The following TANC2 variants were observed in gnomAD, a reference collection of about 807,000 sequenced individuals.
TANC2 encodes the protein tetratricopeptide repeat, ankyrin repeat and coiled-coil containing 2.
TANC2 carries 26 observed loss-of-function variants against 210.5 expected under a neutral mutation model. The observed-to-expected ratio is 0.12, with a 90% CI of 0.09 to 0.17. TANC2 has a LOEUF of 0.17. TANC2 is among the 10% of genes least tolerant of loss of function. The pLI, the probability that TANC2 is intolerant of heterozygous loss-of-function variation, is 1.00. For missense variants in TANC2, 2,129 were observed against 2,608.9 expected, an observed-to-expected ratio of 0.82 and a Z score of 4.01; for synonymous variants, 931 against 967.1, an observed-to-expected ratio of 0.96 and a Z score of 0.69.
chr17:62,975,018 A>G (rs1351959878), intron 1 of TANC2, among the ~76,000 whole-genome samples: 2 of 152,216 alleles, frequency 1.3e-5, no homozygotes, highest in African/African-American at 2.4e-5. Flanking sequence ...AAGATTGACA[A>G]CATTAAGAAA....
At chr17:63,023,940 C>G (rs2034450102) in intron 2 of TANC2, among the ~76,000 whole-genome samples, 1 of 152,150 alleles carries the variant, frequency 6.6e-6, no homozygotes, top group African/African-American at 2.4e-5. Flanking sequence ...TGCTTCTCAT[C>G]AGATAGACAC....
At chr17:63,382,876 C>T (rs898319659) in intron 15 of TANC2, among the ~76,000 whole-genome samples, 1 of 152,118 alleles carries the variant, frequency 6.6e-6, no homozygotes, top group Non-Finnish European at 1.5e-5. Context: ...CTCTTTTTCA[C>T]TCAGCATTCT....
chr17:63,419,221 T>C (rs1383978891), intron 27 of TANC2, among the ~76,000 whole-genome samples: 1 of 152,166 alleles, frequency 6.6e-6, no homozygotes, highest in Non-Finnish European at 1.5e-5. Context: ...GTGGTGGCAG[T>C]GATCGCACTC....
intron 7 of TANC2, among the ~76,000 whole-genome samples, chr17:63,223,453 G>T (rs1352905605): frequency 2.0e-5 from 3 of 152,176 alleles, no homozygotes; most frequent in Non-Finnish European, 4.4e-5. Flanking sequence ...CACAGGCAGA[G>T]CAGCCCGGAG....
At chr17:63,117,870 G>C (rs1181783680) in intron 4 of TANC2, among the ~76,000 whole-genome samples, 2 of 152,120 alleles carry the variant, frequency 1.3e-5, no homozygotes, top group African/African-American at 4.8e-5. Flanking sequence ...TTGACATCTA[G>C]TTTTCAAGGA....
At chr17:63,328,591 A>G (rs911711424) in intron 11 of TANC2, among the ~76,000 whole-genome samples, 1 of 151,834 alleles carries the variant, frequency 6.6e-6, no homozygotes, top group East Asian at 1.9e-4. Context: ...AGTTAAACTC[A>G]TAGAAGTAAA....
intron 14 of TANC2, among the ~76,000 whole-genome samples, chr17:63,358,979 TG>T (rs1409675411): frequency 9.7e-6 from 1 of 103,180 alleles, no homozygotes; most frequent in Middle Eastern, 5.2e-3. Flanking sequence ...TTAATATTTG[TG>T]TGTGTGTGTG....
intron 4 of TANC2, among the ~76,000 whole-genome samples, chr17:63,104,635 T>C (rs61125668): frequency 0.064 from 9,759 of 152,230 alleles, 402 homozygotes; most frequent in African/African-American, 0.12. Flanking sequence ...TATTTCTCAA[T>C]AGGAACCCAT....
exon 28 of TANC2, chr17:63,425,352 A>T (rs529317334): frequency 1.3e-5 from 2 of 152,356 alleles, no homozygotes; most frequent in East Asian, 3.9e-4. Flanking sequence ...TATTGTAAAC[A>T]GAACAGCTTA....
chr17:63,170,270 C>CAA (rs1390152774), intron 5 of TANC2, among the ~76,000 whole-genome samples: 97 of 122,478 alleles, frequency 7.9e-4, no homozygotes, highest in African/African-American at 2.8e-3. Context: ...ACTAAAAATA[C>CAA]AAAAAAAAAA....
chr17:63,081,630 C>T (rs542757008), intron 3 of TANC2, among the ~76,000 whole-genome samples: 4 of 152,172 alleles, frequency 2.6e-5, no homozygotes, highest in East Asian at 3.9e-4. Context: ...GTCTAAGTAA[C>T]CCATTATGTA....
intron 7 of TANC2, among the ~76,000 whole-genome samples, chr17:63,201,633 T>C (rs1181498264): frequency 6.6e-6 from 1 of 151,904 alleles, no homozygotes; most frequent in Non-Finnish European, 1.5e-5. Context: ...TTTTTTTTTT[T>C]TTTTTACCAA....
chr17:63,173,059 A>G (rs1424082439), intron 5 of TANC2, among the ~76,000 whole-genome samples: 1 of 152,258 alleles, frequency 6.6e-6, no homozygotes, highest in Non-Finnish European at 1.5e-5. Context: ...GAATTCTGCC[A>G]TATCCACCAC....
intron 1 of TANC2, among the ~76,000 whole-genome samples, chr17:62,969,421 T>G (rs1043191910): frequency 1.3e-5 from 2 of 152,218 alleles, no homozygotes; most frequent in African/African-American, 4.8e-5. Flanking sequence ...TGGCAAGGCA[T>G]AATTAAAATG....
chr17:63,097,161 C>T (rs2037418412), intron 3 of TANC2, among the ~76,000 whole-genome samples: 1 of 151,978 alleles, frequency 6.6e-6, no homozygotes, highest in Middle Eastern at 3.2e-3. Flanking sequence ...CCACTTGAGC[C>T]TCCCAAGTAG....
At chr17:62,991,834 C>T (rs1343331512) in intron 1 of TANC2, among the ~76,000 whole-genome samples, 1 of 151,982 alleles carries the variant, frequency 6.6e-6, no homozygotes, top group African/African-American at 2.4e-5. Flanking sequence ...GACTAGGACC[C>T]TAAAGCCTTG....
intron 4 of TANC2, among the ~76,000 whole-genome samples, chr17:63,106,535 T>G (rs1158279015): frequency 1.3e-5 from 2 of 151,566 alleles, no homozygotes; most frequent in Non-Finnish European, 2.9e-5. Flanking sequence ...GGATTCTCAC[T>G]AAACTGAGTT....
intron 9 of TANC2, among the ~76,000 whole-genome samples, chr17:63,288,405 T>A (rs956714525): frequency 5.3e-5 from 8 of 152,258 alleles, no homozygotes; most frequent in African/African-American, 1.9e-4. Flanking sequence ...GCTTTCTATT[T>A]TAAATTCATT....
At chr17:63,069,234 G>A (rs1006308958) in intron 2 of TANC2, among the ~76,000 whole-genome samples, 1 of 151,942 alleles carries the variant, frequency 6.6e-6, no homozygotes, top group Non-Finnish European at 1.5e-5. Context: ...TTTACATTAT[G>A]AACATATTTC....
Sources: gnomAD v4.1 joint callset for allele counts (sites outside exome capture counted in the v4.1 genomes callset) on GRCh38, gnomAD v4.1.1 for gene constraint, MANE v1.5 for transcripts, NCBI Gene and HGNC (gene_info 2026-07-23, HGNC 2026-07-21) for gene names.